DENND1A: variants seen among roughly 807,000 people sequenced by gnomAD.
DENND1A encodes the protein DENN domain-containing protein 1A.
In DENND1A, 51 loss-of-function variants were observed where a neutral mutation model predicts 113.7. The ratio of observed to expected loss-of-function variants is 0.45; its 90% confidence interval spans 0.36 to 0.57. The LOEUF (loss-of-function observed/expected upper bound fraction) is 0.57, where lower values mean the gene tolerates loss of function less well. Ranked by LOEUF, DENND1A falls within the 20% of genes least tolerant of loss-of-function variation. The pLI is 0.00. For synonymous variants in DENND1A, 565 were observed against 570.8 expected (o/e 0.99, Z 0.14); for missense variants, 1,258 against 1,395.9 (o/e 0.90, Z 1.57).
rs1177755805 is a variant in DENND1A at position 123,422,903 on chromosome 9, A to G, written c.1489-11074T>C. On this transcript the variant is annotated intron_variant, in intron 19 of 23. Transcript: ENST00000394215. This position sits in a 1 kb window ranked among gnomAD's most constrained non-coding sequence, Gnocchi z 4.8. The stretch of plus-strand genomic sequence containing the variant: ...CCCTCGGAGAACAAACAGGAACCCA[A>G]GGTGCCAGCAGTTCGACTGCCTTAT... Among the ~76,000 whole-genome samples, 1 of 152,246 alleles carries G rather than the reference A, an allele frequency of 6.6e-6. No homozygotes were observed. The highest frequency in any genetic ancestry group is 1.9e-4 in the East Asian group (1 of 5,204).
chr9:123,655,988 G>A (rs957834422), intron 8 of DENND1A, among the ~76,000 whole-genome samples: 4 of 152,218 alleles, frequency 2.6e-5, no homozygotes, highest in Non-Finnish European at 4.4e-5. Flanking sequence ...TTACTCTGGG[G>A]TGGGAGGGAC....
At chr9:123,489,099 C>A (rs545301722) in intron 13 of DENND1A, among the ~76,000 whole-genome samples, 2 of 152,198 alleles carry the variant, frequency 1.3e-5, no homozygotes, top group South Asian at 4.1e-4. Context: ...CACATCCACA[C>A]ACCTCAGACA....
rs1174737762 is a variant in DENND1A at position 123,842,528 on chromosome 9, A to G, written c.88+36423T>C. ...AAATGTGTGCCAATGAATTAGATAT[A>G]TGAAATGGACAAATCTCTAGAAAAA... On this transcript the variant is annotated intron_variant, in intron 2 of 23. Transcript: ENST00000394215. 2.0e-5 allele frequency among the ~76,000 whole-genome samples: 3 copies of G among 152,338 alleles called. No homozygotes were observed. In the East Asian group the frequency reaches 5.8e-4, roughly 29 times the overall value.
At chr9:123,814,851 G>A (rs896369458) in intron 2 of DENND1A, among the ~76,000 whole-genome samples, 2 of 152,236 alleles carry the variant, frequency 1.3e-5, no homozygotes, top group African/African-American at 2.4e-5. Context: ...CTTAAACAAG[G>A]AAAGCTAAAG....
chr9:123,588,464 C>CA (rs1564773409), intron 11 of DENND1A, among the ~76,000 whole-genome samples: 1 of 149,562 alleles, frequency 6.7e-6, no homozygotes, highest in African/African-American at 2.5e-5. Flanking sequence ...ACTAAAAATA[C>CA]AAAAAATTAG....
intron 19 of DENND1A, among the ~76,000 whole-genome samples, chr9:123,438,212 G>T (rs1443138040): frequency 6.6e-6 from 1 of 152,068 alleles, no homozygotes; most frequent in Non-Finnish European, 1.5e-5. Context: ...CCAGGGACCC[G>T]GGAAAAGACT....
At chr9:123,629,932 T>A (rs923257442) in intron 10 of DENND1A, among the ~76,000 whole-genome samples, 1 of 152,218 alleles carries the variant, frequency 6.6e-6, no homozygotes, top group South Asian at 2.1e-4. Flanking sequence ...GAAAAGTTAC[T>A]ACCTATTCTC....
chr9:123,446,397 T>C (rs2047308534), intron 18 of DENND1A, among the ~76,000 whole-genome samples: 1 of 152,198 alleles, frequency 6.6e-6, no homozygotes, highest in Non-Finnish European at 1.5e-5. Flanking sequence ...ATGTCTGTTC[T>C]ACAAGTCTAC....
chr9:123,832,978 G>A (rs928186457), intron 2 of DENND1A, among the ~76,000 whole-genome samples: 3 of 151,952 alleles, frequency 2.0e-5, no homozygotes, highest in Non-Finnish European at 2.9e-5. Context: ...CCAGGTTGGG[G>A]GTCCGGGGGA....
chr9:123,728,506 A>AAAAAAAAAAACAAAAAAAC lies in DENND1A; in HGVS notation c.302+29196_302+29197insGTTTTTTTGTTTTTTTTTT, dbSNP rs1564150268. 8.4e-4 allele frequency among the ~76,000 whole-genome samples: 123 copies of AAAAAAAAAAACAAAAAAAC among 145,896 alleles called. 1 individual carries two copies. The highest frequency in any genetic ancestry group is 3.2e-3 in the African/African-American group (118 of 37,172). On this transcript the variant is annotated intron_variant, in intron 5 of 23. Transcript: ENST00000394215. ...AAAAAAAAAAAAAAAAAAAAAAAAA[A>AAAAAAAAAAACAAAAAAAC]AAAACAGGCATCAGTCATCTTTACC...
chr9:123,918,539 T>G (rs1238325538), intron 1 of DENND1A, among the ~76,000 whole-genome samples: 1 of 151,426 alleles, frequency 6.6e-6, no homozygotes, highest in African/African-American at 2.4e-5. Flanking sequence ...TAGGACAAAT[T>G]AAACATCAGT....
At chr9:123,917,319 A>G (rs1246695690) in intron 1 of DENND1A, among the ~76,000 whole-genome samples, 2 of 152,162 alleles carry the variant, frequency 1.3e-5, no homozygotes, top group Non-Finnish European at 2.9e-5. Context: ...CCTAACGACC[A>G]AAAGAACTGC....
At chr9:123,493,457 G>C (rs776965950) in intron 13 of DENND1A, among the ~76,000 whole-genome samples, 1 of 152,190 alleles carries the variant, frequency 6.6e-6, no homozygotes, top group Non-Finnish European at 1.5e-5. Context: ...ACTTGGAGGG[G>C]TGGGAACTGC....
chr9:123,885,154 A>G (rs1437200600), intron 1 of DENND1A, among the ~76,000 whole-genome samples: 4 of 151,852 alleles, frequency 2.6e-5, no homozygotes, highest in African/African-American at 9.7e-5. Flanking sequence ...ACCATATCCA[A>G]CCCTGGTACA....
chr9:123,861,443 G>A (rs1447194110), intron 2 of DENND1A, among the ~76,000 whole-genome samples: 2 of 152,104 alleles, frequency 1.3e-5, no homozygotes, highest in African/African-American at 2.4e-5. Context: ...CCTGCTTAGC[G>A]GCCTTCCCCT....
intron 9 of DENND1A, among the ~76,000 whole-genome samples, chr9:123,649,999 T>C (rs148994561): frequency 2.0e-5 from 3 of 152,334 alleles, no homozygotes; most frequent in East Asian, 1.9e-4. Context: ...AAAAACATCA[T>C]GATTAAATGA....
chr9:123,618,361 T>G (rs1478064889), intron 10 of DENND1A, among the ~76,000 whole-genome samples: 1 of 152,032 alleles, frequency 6.6e-6, no homozygotes, highest in East Asian at 1.9e-4. Context: ...AAGTGTTGGG[T>G]TCAAGCCAGG....
chr9:123,846,407 T>C (rs1171896112), intron 2 of DENND1A, among the ~76,000 whole-genome samples: 5 of 152,226 alleles, frequency 3.3e-5, no homozygotes, highest in African/African-American at 4.8e-5. Context: ...ACATTGTTGA[T>C]TGCAGCATTA....
At chr9:123,661,422 T>G (rs527369851) in intron 8 of DENND1A, among the ~76,000 whole-genome samples, 3 of 152,354 alleles carry the variant, frequency 2.0e-5, no homozygotes, top group South Asian at 4.1e-4. Flanking sequence ...TATTAGATGC[T>G]GACATGTCAT....
Sources: gnomAD v4.1 joint callset for allele counts (sites outside exome capture counted in the v4.1 genomes callset) on GRCh38, gnomAD v4.1.1 for gene constraint, Gnocchi (gnomAD v3.1) non-coding constraint, MANE v1.5 for transcripts, NCBI Gene and HGNC (gene_info 2026-07-23, HGNC 2026-07-21) for gene names.